Variants in NDUFS8 observed in about 807,000 individuals in gnomAD.
NDUFS8 encodes NADH:ubiquinone oxidoreductase core subunit S8.
Under a neutral mutation model 25.6 loss-of-function variants are expected in NDUFS8, and 13 were observed. The ratio of observed to expected loss-of-function variants is 0.51; its 90% confidence interval spans 0.33 to 0.81. The LOEUF (loss-of-function observed/expected upper bound fraction) is 0.81. Ranked by LOEUF, NDUFS8 falls within the 30% of genes least tolerant of loss-of-function variation. The pLI is 0.02. For missense variants in NDUFS8, 257 were observed against 300.9 expected (o/e 0.85, Z 1.08); for synonymous variants, 119 against 119.4 (o/e 1.00, Z 0.02).
In NDUFS8 at chr11:68,036,159, G is replaced by A. The variant is rs1276264141; in HGVS notation, c.373-94G>A. The A allele has an allele frequency of 5.0e-6, 8 of 1,591,376 alleles. No homozygotes were observed. In the East Asian group the frequency reaches 1.6e-4, roughly 31 times the overall value. On this transcript the variant is annotated intron_variant, in intron 5 of 6. Coordinates refer to ENST00000313468, the MANE Select transcript of NDUFS8 (RefSeq NM_002496.4). ...GGCCTTTGAGGGGAGAGGGCTTCTGGCAGACCCCAGGGGTGGGGATGAGCA... is the reference window on the plus strand; with the variant it reads ...GGCCTTTGAGGGGAGAGGGCTTCTGACAGACCCCAGGGGTGGGGATGAGCA...
At chr11:68,035,012 T>A (rs1319980161) in intron 5 of NDUFS8, 1 of 150,860 alleles carries the variant, frequency 6.6e-6, no homozygotes, top group East Asian at 1.9e-4. Context: ...GAGGTTGCAG[T>A]GAACTATGAT....
intron 5 of NDUFS8, chr11:68,035,690 AG>A (rs1854872103): frequency 4.4e-6 from 2 of 455,232 alleles, no homozygotes; most frequent in African/African-American, 4.0e-5. Flanking sequence ...CCCTCGTGAG[AG>A]GGGGTTCTTG....
chr11:68,031,579 C>T (rs1312186192), intron 1 of NDUFS8: 1 of 189,812 alleles, frequency 5.3e-6, no homozygotes, highest in South Asian at 9.0e-5. Context: ...AACTCCTGAC[C>T]TCAGGTGATC....
At chr11:68,036,034 A>C in intron 5 of NDUFS8, 1 of 508,918 alleles carries the variant, frequency 2.0e-6, no homozygotes, top group South Asian at 2.1e-5. Context: ...AAAAAAAAAA[A>C]AAAAAAAACC....
At position 68,036,489 on chromosome 11, in the gene NDUFS8, A is replaced by G; in HGVS notation, c.529A>G (p.Thr177Ala). ...CCCCAACTTTGAGTTCTCCACGGAG[A>G]CCCATGAGGAGCTGCTGTACAACAA... ...EGPNFEFSTE[T>A]HEELLYNKEK... Residue 177 changes from threonine to alanine, a missense_variant, in exon 7 of 7, where the codon ACC (threonine) becomes GCC (alanine). Transcript: ENST00000313468. 6.2e-7 allele frequency: 1 copy of G among 1,613,938 alleles called. No individual in the cohort carries two copies. The highest frequency in any genetic ancestry group is 8.5e-7 in the Non-Finnish European group (1 of 1,179,966).
intron 5 of NDUFS8, 155 bp from the exon 6 acceptor site, chr11:68,036,096 CCA>C: frequency 8.3e-7 from 1 of 1,207,748 alleles, no homozygotes; most frequent in Non-Finnish European, 1.2e-6. Context: ...GGCGCGAGCA[CCA>C]GAGGTGCAGG....
chr11:68,031,832 G>C, intron 1 of NDUFS8: 2 of 469,358 alleles, frequency 4.3e-6, no homozygotes, highest in Non-Finnish European at 7.9e-6. Context: ...GTTAGATTTG[G>C]GGAGGATGAA....
chr11:68,036,615 C>T lies in NDUFS8; in HGVS notation c.*22C>T, dbSNP rs867002806. 1 of 1,612,800 alleles carries T rather than the reference C, an allele frequency of 6.2e-7. No individual in the cohort carries two copies. Among genetic ancestry groups the T allele is most frequent in the Non-Finnish European group, 8.5e-7 (1 of 1,179,908 alleles). ...GTGACGCCCCACCGGCCCGCAGCCC[C>T]TGCTGCCCAATAAAACCACTCCGAC... On this transcript the variant is annotated 3_prime_UTR_variant, in exon 7 of 7. Coordinates refer to ENST00000313468, the MANE Select transcript of NDUFS8 (RefSeq NM_002496.4).
rs531234658 is a variant in NDUFS8, at chr11:68,030,866, C to G, written c.-1+133C>G. On this transcript the variant is annotated intron_variant, in intron 1 of 6. Coordinates refer to ENST00000313468, the MANE Select transcript of NDUFS8 (RefSeq NM_002496.4). ...CGGCTCACTCAGGATCCGCGGCCTC[C>G]GTGTCCTTCAGGTGCAGCGGGGAGC... 26 of 444,510 alleles carry G rather than the reference C, an allele frequency of 5.8e-5. No individual in the cohort carries two copies. The East Asian group carries it at 1.1e-3, about 18-fold the overall frequency. The allele number at this position is 444,510 out of a possible 1,614,324, so 27.5% of individuals were successfully genotyped here. A position where few individuals can be genotyped will look rare whatever the true frequency, so the allele number is the denominator to read the frequency against.
At chr11:68,030,806 G>GCA in intron 1 of NDUFS8, 73 bp downstream of exon 1, 1 of 385,992 alleles carries the variant, frequency 2.6e-6, no homozygotes, top group Non-Finnish European at 5.2e-6. Flanking sequence ...TGGTGTCCCC[G>GCA]TTGGCGCCGC....
rs368350187 is a variant in NDUFS8 at position 68,031,699 on chromosome 11, C to T, written c.1-453C>T. 8 of 295,030 alleles carry T rather than the reference C, an allele frequency of 2.7e-5. No individual in the cohort carries two copies. The East Asian group carries it at 5.2e-4, about 19-fold the overall frequency. The allele number at this position is 295,030 out of a possible 1,614,324, so 18.3% of individuals were successfully genotyped here. A position where few individuals can be genotyped will look rare whatever the true frequency, so the allele number is the denominator to read the frequency against. Reference sequence around the variant, plus strand: ...CCCAGCGCCTTATTTGTGCCTCCCTCGTGGAGTCCTTGTAAGGATAGGATG... The same window carrying T: ...CCCAGCGCCTTATTTGTGCCTCCCTTGTGGAGTCCTTGTAAGGATAGGATG... On this transcript the variant is annotated intron_variant, in intron 1 of 6. Coordinates refer to ENST00000313468, the MANE Select transcript of NDUFS8 (RefSeq NM_002496.4).
At position 68,032,269 on chromosome 11, in the gene NDUFS8, C is replaced by G; in HGVS notation, c.59-17C>G. On this transcript the variant is annotated splice_polypyrimidine_tract_variant and intron_variant, in intron 2 of 6. Coordinates refer to ENST00000313468, the MANE Select transcript of NDUFS8 (RefSeq NM_002496.4). ...AGTCCAGTCTCCTGGTATGACGTCA[C>G]GCCCTTCTTTTTGCAGGACCTCCTG... The G allele has an allele frequency of 6.2e-7, 1 of 1,613,790 alleles. No individual in the cohort carries two copies. Among genetic ancestry groups the G allele is most frequent in the Non-Finnish European group, 8.5e-7 (1 of 1,180,006 alleles).
intron 5 of NDUFS8, 61 bp from the exon 6 acceptor site, chr11:68,036,192 G>T: frequency 6.2e-7 from 1 of 1,607,572 alleles, no homozygotes; most frequent in Non-Finnish European, 8.5e-7. Context: ...GCAGTGACAG[G>T]GGCCCTGGGG....
intron 5 of NDUFS8, chr11:68,035,592 A>AGGC (rs1854868929): frequency 3.4e-6 from 1 of 298,354 alleles, no homozygotes. Flanking sequence ...AAGCTTGGTG[A>AGGC]GGCGAGGCGG....
chr11:68,033,496 T>C, intron 5 of NDUFS8: 1 of 676,144 alleles, frequency 1.5e-6, no homozygotes, highest in Non-Finnish European at 2.6e-6. Flanking sequence ...CTTCCAGCCC[T>C]GGGCAGGCGC....
chr11:68,031,093 T>C, intron 1 of NDUFS8: 1 of 281,442 alleles, frequency 3.6e-6, no homozygotes, highest in Non-Finnish European at 7.2e-6. Context: ...TGGGGTGCCC[T>C]TGGCATGTAC....
In NDUFS8 at chr11:68,036,479, C is replaced by T; in HGVS notation, c.519C>T (p.Phe173=). Residue 173 remains phenylalanine (F), a synonymous_variant, in exon 7 of 7, where the codon TTC becomes TTT. Transcript: ENST00000313468. ...DAIVEGPNFE[F]STETHEELLY... is the part of the protein sequence containing the mutation. Reference sequence around the variant, plus strand: ...ACCTGCAGGGCCCCAACTTTGAGTTCTCCACGGAGACCCATGAGGAGCTGC... The same window carrying T: ...ACCTGCAGGGCCCCAACTTTGAGTTTTCCACGGAGACCCATGAGGAGCTGC... 6.2e-7 allele frequency: 1 copy of T among 1,614,080 alleles called. No homozygotes were observed.
rs376540665 is a variant in NDUFS8, at chr11:68,032,982, C to G, written c.169C>G (p.Arg57Gly). ...GAAGTCAGTGACTGACCGGGCAGCC[C>G]GCACCCTGCTGTGGACTGAGCTCTT... ...DMKSVTDRAA[R>G]TLLWTELFRG... is the part of the protein sequence containing the mutation. The change falls in exon 4 of 7, where the codon CGC becomes GGC. Residue 57 changes from arginine to glycine, a missense_variant. Physicochemically the swap from Arg to Gly is moderately radical, Grantham distance 125. Transcript: ENST00000313468. 6.2e-7 allele frequency: 1 copy of G among 1,613,822 alleles called. No homozygotes were observed.
At chr11:68,033,562 C>G in intron 5 of NDUFS8, 1 of 534,630 alleles carries the variant, frequency 1.9e-6, no homozygotes. Context: ...CCCTGGGCCT[C>G]TGAGCCATGG....
Sources: gnomAD v4.1 joint callset for allele counts on GRCh38, gnomAD v4.1.1 for gene constraint, MANE v1.5 for transcripts, NCBI Gene and HGNC (gene_info 2026-07-23, HGNC 2026-07-21) for gene names.